Variants in RFX7 observed in about 807,000 individuals in gnomAD.
RFX7 encodes the protein DNA-binding protein RFX7.
In RFX7, 26 loss-of-function variants were observed where a neutral mutation model predicts 111.8. The observed-to-expected ratio is 0.23, with a 90% CI of 0.17 to 0.32. The LOEUF (loss-of-function observed/expected upper bound fraction) is 0.32, where lower values mean the gene tolerates loss of function less well. Among genes scored for constraint, RFX7 ranks in the 10% least tolerant of loss-of-function variants. RFX7 has a pLI of 1.00. For synonymous variants in RFX7, 624 were observed against 624.4 expected, an observed-to-expected ratio of 1.00 and a Z score of 0.01; for missense variants, 1,573 against 1,772.9, an observed-to-expected ratio of 0.89 and a Z score of 2.02.
At chr15:56,177,775 AG>A (rs1225830151) in intron 3 of RFX7, among the ~76,000 whole-genome samples, 1 of 152,134 alleles carries the variant, frequency 6.6e-6, no homozygotes, top group East Asian at 1.9e-4. Context: ...TACCAAGAAC[AG>A]GGTCTAGTAT....
chr15:56,138,052 GA>G (rs2042331476), intron 5 of RFX7, among the ~76,000 whole-genome samples: 1 of 145,738 alleles, frequency 6.9e-6, no homozygotes, highest in Non-Finnish European at 1.5e-5. Context: ...GTCAATTTTG[GA>G]ATAGGTGTGG....
At chr15:56,238,816 CTTAT>C (rs1302706454) in intron 2 of RFX7, among the ~76,000 whole-genome samples, 39 of 151,930 alleles carry the variant, frequency 2.6e-4, no homozygotes, top group African/African-American at 6.8e-4. Context: ...GTGCTTCCGA[CTTAT>C]TTATTTATTT....
intron 5 of RFX7, among the ~76,000 whole-genome samples, chr15:56,132,630 G>T (rs1349952955): frequency 6.6e-6 from 1 of 152,000 alleles, no homozygotes; most frequent in Non-Finnish European, 1.5e-5. Context: ...TGGTGGCATG[G>T]AGTTTTTTCT....
intron 2 of RFX7, among the ~76,000 whole-genome samples, chr15:56,209,577 A>G (rs1236078293): frequency 2.6e-5 from 4 of 152,132 alleles, no homozygotes; most frequent in African/African-American, 9.6e-5. Context: ...GTTCAAAACA[A>G]TCACAGGAAC....
intron 5 of RFX7, among the ~76,000 whole-genome samples, chr15:56,107,121 C>T (rs2041839514): frequency 6.6e-6 from 1 of 151,846 alleles, no homozygotes; most frequent in Non-Finnish European, 1.5e-5. Flanking sequence ...CACGGTGAAA[C>T]CCTGCCTCTA....
chr15:56,225,668 G>C (rs1020292068), intron 2 of RFX7, among the ~76,000 whole-genome samples: 1 of 152,088 alleles, frequency 6.6e-6, no homozygotes, highest in Non-Finnish European at 1.5e-5. Flanking sequence ...CCTTCAACAG[G>C]TGCCTGCAAC....
chr15:56,226,518 C>T (rs1596022556), intron 2 of RFX7, among the ~76,000 whole-genome samples: 1 of 152,208 alleles, frequency 6.6e-6, no homozygotes, highest in East Asian at 1.9e-4. Context: ...AAGTAACAAA[C>T]TCTGATCATC....
chr15:56,202,851 G>A (rs1429465278), intron 2 of RFX7, among the ~76,000 whole-genome samples: 1 of 152,134 alleles, frequency 6.6e-6, no homozygotes, highest in Non-Finnish European at 1.5e-5. Flanking sequence ...TCTCAGAGGT[G>A]AGCATACAGA....
intron 2 of RFX7, among the ~76,000 whole-genome samples, chr15:56,232,164 G>A (rs572749728): frequency 3.3e-5 from 5 of 152,202 alleles, no homozygotes; most frequent in Non-Finnish European, 7.3e-5. Flanking sequence ...TTTTCTCACA[G>A]CTCTGCTAGG....
At chr15:56,125,482 A>G (rs957652487) in intron 5 of RFX7, among the ~76,000 whole-genome samples, 1 of 152,152 alleles carries the variant, frequency 6.6e-6, no homozygotes, top group South Asian at 2.1e-4. Flanking sequence ...CTGATCTATG[A>G]GCATGGGATG....
intron 7 of RFX7, 42 bp downstream of exon 7, chr15:56,102,127 G>C: frequency 7.2e-7 from 1 of 1,383,628 alleles, no homozygotes; most frequent in Non-Finnish European, 1.0e-6. Context: ...TTAATATAAA[G>C]GTACAATTTT....
At chr15:56,142,722 G>C in intron 5 of RFX7, 56 bp downstream of exon 5, 1 of 1,497,270 alleles carries the variant, frequency 6.7e-7, no homozygotes, top group Non-Finnish European at 9.2e-7. Context: ...CTATGGCCAA[G>C]TATAGTATTT....
At chr15:56,115,732 A>G (rs1412756726) in intron 5 of RFX7, among the ~76,000 whole-genome samples, 3 of 151,972 alleles carry the variant, frequency 2.0e-5, no homozygotes, top group African/African-American at 4.8e-5. Flanking sequence ...AGATCAGGAG[A>G]TTGAGACCAT....
At position 56,243,300 on chromosome 15, in the gene RFX7, G is replaced by T; in HGVS notation, c.-2-13C>A. On this transcript the variant is annotated splice_polypyrimidine_tract_variant and intron_variant, in intron 1 of 9. Transcript: ENST00000559447. ...TCCTCTGCCATCGCTGCAGAGGGGTGGGAGGGAGGGAGGGAAAGATGGGGG... is the reference window on the plus strand; with the variant it reads ...TCCTCTGCCATCGCTGCAGAGGGGTTGGAGGGAGGGAGGGAAAGATGGGGG... 2 of 1,114,734 alleles carry T rather than the reference G, an allele frequency of 1.8e-6. No individual in the cohort carries two copies. The highest frequency in any genetic ancestry group is 2.3e-6 in the Non-Finnish European group (2 of 871,520). 69.1% of individuals were successfully genotyped at this position (1,114,734 alleles called of 1,614,324 possible).
At chr15:56,237,719 C>T (rs1228270586) in intron 2 of RFX7, among the ~76,000 whole-genome samples, 1 of 152,084 alleles carries the variant, frequency 6.6e-6, no homozygotes, top group Non-Finnish European at 1.5e-5. Flanking sequence ...TATCCACTAC[C>T]CAACCTAAAC....
intron 2 of RFX7, among the ~76,000 whole-genome samples, chr15:56,184,489 G>A (rs1037432249): frequency 1.3e-5 from 2 of 152,022 alleles, no homozygotes; most frequent in Admixed American, 1.3e-4. Context: ...GAGTAGCAGT[G>A]ATAGAAGATA....
intron 3 of RFX7, among the ~76,000 whole-genome samples, chr15:56,144,784 G>A (rs563341863): frequency 6.6e-6 from 1 of 152,102 alleles, no homozygotes; most frequent in Non-Finnish European, 1.5e-5. Context: ...AAGAAGGAGG[G>A]TTTTACTTGT....
intron 3 of RFX7, among the ~76,000 whole-genome samples, chr15:56,160,505 C>G (rs2042707985): frequency 6.6e-6 from 1 of 151,828 alleles, no homozygotes; most frequent in Non-Finnish European, 1.5e-5. Flanking sequence ...TTTGTCTGCC[C>G]TTGATTTAAG....
intron 3 of RFX7, among the ~76,000 whole-genome samples, chr15:56,172,026 CAGGATAG>C (rs1437860284): frequency 6.6e-6 from 1 of 151,984 alleles, no homozygotes; most frequent in African/African-American, 2.4e-5. Flanking sequence ...ACAGGAAAAC[CAGGATAG>C]TGTGACATCT....
Sources: allele counts gnomAD v4.1 joint callset (sites outside exome capture counted in the v4.1 genomes callset), GRCh38; gene constraint gnomAD v4.1.1; transcripts MANE v1.5; gene names NCBI Gene and HGNC (gene_info 2026-07-23, HGNC 2026-07-21).